Variants in HDAC9 observed in about 807,000 individuals in gnomAD.
The protein encoded by HDAC9 is MEF-2 interacting transcription repressor (MITR) protein.
A neutral mutation model predicts 139.4 loss-of-function variants in HDAC9; 41 were observed. That is an observed-to-expected ratio of 0.29 (90% CI 0.23 to 0.38). The LOEUF (loss-of-function observed/expected upper bound fraction) is 0.38, where lower values mean the gene tolerates loss of function less well. Ranked by LOEUF, HDAC9 falls within the 10% of genes least tolerant of loss-of-function variation. HDAC9 has a pLI of 1.00. For missense variants in HDAC9, 1,147 were observed against 1,297.0 expected (o/e 0.88, Z 1.78); for synonymous variants, 517 against 476.2 (o/e 1.09, Z -1.12).
chr7:18,652,177 A>G (rs1056141101), intron 11 of HDAC9, among the ~76,000 whole-genome samples: 12 of 152,130 alleles, frequency 7.9e-5, no homozygotes, highest in African/African-American at 2.4e-4. Context: ...CCCCAATACC[A>G]TGGAAGAACC....
At chr7:18,437,329 A>T (rs113185394) in intron 1 of HDAC9, among the ~76,000 whole-genome samples, 1,779 of 152,168 alleles carry the variant, frequency 0.012, 39 homozygotes, top group African/African-American at 0.041. Flanking sequence ...TAGCCAGAGG[A>T]ACTTCAGCCA....
chr7:18,097,318 A>G (rs959709596), intron 1 of HDAC9, among the ~76,000 whole-genome samples: 1 of 152,198 alleles, frequency 6.6e-6, no homozygotes, highest in African/African-American at 2.4e-5. Flanking sequence ...TAGTCCACCA[A>G]GTTGACTTCA....
At chr7:18,308,824 GT>G (rs1799101623) in intron 1 of HDAC9, among the ~76,000 whole-genome samples, 1 of 152,134 alleles carries the variant, frequency 6.6e-6, no homozygotes, top group South Asian at 2.1e-4. Flanking sequence ...ATTCGTATGA[GT>G]TTTTATGGGT....
intron 23 of HDAC9, among the ~76,000 whole-genome samples, chr7:18,948,321 A>G (rs1182360833): frequency 6.6e-6 from 1 of 152,106 alleles, no homozygotes; most frequent in African/African-American, 2.4e-5. Flanking sequence ...AAAATCTATT[A>G]AAAGATGTTC....
At chr7:18,878,196 T>C (rs182154795) in intron 22 of HDAC9, among the ~76,000 whole-genome samples, 6 of 152,016 alleles carry the variant, frequency 3.9e-5, no homozygotes, top group African/African-American at 1.4e-4. Flanking sequence ...CATTTTTTTT[T>C]AAAAAAAAGC....
intron 11 of HDAC9, among the ~76,000 whole-genome samples, chr7:18,649,088 C>A (rs1432732246): frequency 6.6e-6 from 1 of 152,154 alleles, no homozygotes; most frequent in Non-Finnish European, 1.5e-5. Flanking sequence ...CAGTAAGGCA[C>A]TTCTCAGCAA....
intron 16 of HDAC9, among the ~76,000 whole-genome samples, chr7:18,782,774 T>C (rs924020471): frequency 6.6e-6 from 1 of 152,082 alleles, no homozygotes; most frequent in Non-Finnish European, 1.5e-5. Context: ...TGTTAAGCAC[T>C]TTATATGTAT....
chr7:18,745,872 T>G (rs1196171150), intron 13 of HDAC9, among the ~76,000 whole-genome samples: 1 of 137,702 alleles, frequency 7.3e-6, no homozygotes, highest in Non-Finnish European at 1.6e-5. Context: ...AAGAATATAT[T>G]TCTTCTTCTT....
At chr7:18,963,043 TC>T (rs149986177) in intron 24 of HDAC9, among the ~76,000 whole-genome samples, 19,411 of 152,128 alleles carry the variant, frequency 0.13, 1,368 homozygotes, top group South Asian at 0.19. Context: ...GATTGCCTCT[TC>T]CCAAGTATAG....
chr7:18,382,117 G>A (rs150506787), intron 1 of HDAC9, among the ~76,000 whole-genome samples: 1,783 of 151,970 alleles, frequency 0.012, 37 homozygotes, highest in African/African-American at 0.04. Flanking sequence ...GAAAACCTAC[G>A]TGGTATTTTT....
intron 1 of HDAC9, among the ~76,000 whole-genome samples, chr7:18,487,646 A>G (rs1586239095): frequency 6.6e-6 from 1 of 152,102 alleles, no homozygotes; most frequent in East Asian, 1.9e-4. Flanking sequence ...CATAAGTAAA[A>G]TATGTTTTAG....
chr7:18,966,812 A>T (rs1783887948), intron 24 of HDAC9, among the ~76,000 whole-genome samples: 1 of 152,218 alleles, frequency 6.6e-6, no homozygotes, highest in Admixed American at 6.5e-5. Context: ...CCTTCCATAC[A>T]GCATTTACAC....
intron 6 of HDAC9, among the ~76,000 whole-genome samples, chr7:18,615,294 A>C (rs1562586392): frequency 6.6e-6 from 1 of 152,172 alleles, no homozygotes; most frequent in Non-Finnish European, 1.5e-5. Flanking sequence ...CTAAAAATGA[A>C]GTTATTCTTA....
chr7:18,404,168 A>G (rs1192613904), intron 1 of HDAC9, among the ~76,000 whole-genome samples: 1 of 152,226 alleles, frequency 6.6e-6, no homozygotes, highest in African/African-American at 2.4e-5. Flanking sequence ...ATATAAAAAT[A>G]CAAATATAAT....
At chr7:18,900,022 T>A (rs916922779) in intron 22 of HDAC9, among the ~76,000 whole-genome samples, 18 of 150,976 alleles carry the variant, frequency 1.2e-4, no homozygotes, top group African/African-American at 4.1e-4. Context: ...TTCTCTAATT[T>A]AAAAAAAAAT....
At chr7:18,883,205 T>C (rs1008619147) in intron 22 of HDAC9, among the ~76,000 whole-genome samples, 1 of 152,198 alleles carries the variant, frequency 6.6e-6, no homozygotes, top group Admixed American at 6.5e-5. Flanking sequence ...AGTCCAGTGA[T>C]GCTTTTTTAG....
chr7:18,114,023 A>G (rs978391943), intron 1 of HDAC9, among the ~76,000 whole-genome samples: 2 of 152,172 alleles, frequency 1.3e-5, no homozygotes, highest in East Asian at 1.9e-4. Flanking sequence ...GTCTAACAGC[A>G]CCTCAGACAT....
intron 21 of HDAC9, among the ~76,000 whole-genome samples, chr7:18,869,626 T>C (rs2129241814): frequency 6.6e-6 from 1 of 152,284 alleles, no homozygotes; most frequent in South Asian, 2.1e-4. Context: ...ATCTACACTA[T>C]CTCCAGGTAG....
At chr7:18,446,565 A>C (rs935388123) in intron 1 of HDAC9, among the ~76,000 whole-genome samples, 5 of 152,216 alleles carry the variant, frequency 3.3e-5, no homozygotes, top group Non-Finnish European at 5.9e-5. Context: ...CAAATATATT[A>C]TGGGTAAGCT....
Sources: gnomAD v4.1 joint callset for allele counts (sites outside exome capture counted in the v4.1 genomes callset) on GRCh38, gnomAD v4.1.1 for gene constraint, MANE v1.5 for transcripts, NCBI Gene and HGNC (gene_info 2026-07-23, HGNC 2026-07-21) for gene names.